BLTP3B: variants seen among roughly 807,000 people sequenced by gnomAD.
The protein encoded by BLTP3B is UHRF1 (ICBP90) binding protein 1-like.
At chr12:100,092,470 T>C in the BLTP3B span, among the ~76,000 whole-genome samples, 1 of 152,254 alleles carries the variant, frequency 6.6e-6, no homozygotes, top group Admixed American at 6.5e-5. Context: ...AAAAAGTACA[T>C]ATGCTGGGGC....
the BLTP3B span, among the ~76,000 whole-genome samples, chr12:100,100,220 G>A: frequency 4.0e-5 from 6 of 151,650 alleles, no homozygotes; most frequent in African/African-American, 1.5e-4. Context: ...TGAGAGGATC[G>A]CTTCAGTATG....
the BLTP3B span, among the ~76,000 whole-genome samples, chr12:100,068,545 G>C: frequency 2.6e-5 from 4 of 152,188 alleles, no homozygotes; most frequent in African/African-American, 7.2e-5. Flanking sequence ...AGTTAGAAGA[G>C]TAAACAGACA....
the BLTP3B span, among the ~76,000 whole-genome samples, chr12:100,131,635 A>G: frequency 6.6e-6 from 1 of 152,224 alleles, no homozygotes; most frequent in South Asian, 2.1e-4. Context: ...TAATGTCTGA[A>G]AAACCAAACA....
the BLTP3B span, among the ~76,000 whole-genome samples, chr12:100,135,281 C>CTTTTTTTTTTTTTTTTTT: frequency 1.4e-5 from 2 of 141,226 alleles, no homozygotes; most frequent in Non-Finnish European, 1.5e-5. Flanking sequence ...TTCTTTCTTT[C>CTTTTTTTTTTTTTTTTTT]TTTTTTTTTT....
the BLTP3B span, among the ~76,000 whole-genome samples, chr12:100,046,762 C>A: frequency 6.6e-6 from 1 of 151,972 alleles, no homozygotes; most frequent in Admixed American, 6.6e-5. Flanking sequence ...ATAAAGAAGA[C>A]AGTTGAGAGA....
chr12:100,102,728 G>A, the BLTP3B span: 1 of 906,108 alleles, frequency 1.1e-6, no homozygotes, highest in Non-Finnish European at 1.7e-6. Context: ...TTAATGTCCT[G>A]TTATTGGCAG....
chr12:100,092,790 C>T, the BLTP3B span: 144 of 637,740 alleles, frequency 2.3e-4, no homozygotes, highest in Middle Eastern at 8.0e-4. Flanking sequence ...CTACCAAAAT[C>T]TTCCTTGCAA....
chr12:100,047,435 TTTGCAGTAGGCTGAGA>T, the BLTP3B span: 1 of 876,364 alleles, frequency 1.1e-6, no homozygotes, highest in Non-Finnish European at 1.8e-6. Flanking sequence ...GAGGCAGAGG[TTTGCAGTAGGCTGAGA>T]TCGTGCCATT....
the BLTP3B span, among the ~76,000 whole-genome samples, chr12:100,066,314 G>A: frequency 1.3e-5 from 2 of 152,162 alleles, no homozygotes; most frequent in Non-Finnish European, 2.9e-5. Context: ...TTGTGCAACA[G>A]TAAACTATCA....
At chr12:100,119,773 C>T in the BLTP3B span, among the ~76,000 whole-genome samples, 1 of 152,032 alleles carries the variant, frequency 6.6e-6, no homozygotes, top group South Asian at 2.1e-4. Flanking sequence ...TGACCTTTAC[C>T]TCACCCCATA....
chr12:100,127,738 C>G, the BLTP3B span, among the ~76,000 whole-genome samples: 1 of 152,266 alleles, frequency 6.6e-6, no homozygotes, highest in South Asian at 2.1e-4. Flanking sequence ...CCTGGCAGAG[C>G]ATGCTGGTGC....
At chr12:100,087,395 A>G in the BLTP3B span, among the ~76,000 whole-genome samples, 1 of 152,162 alleles carries the variant, frequency 6.6e-6, no homozygotes, top group Non-Finnish European at 1.5e-5. Context: ...ATTTATCTCA[A>G]CTAGTAGAAT....
chr12:100,048,777 T>TGTGA, the BLTP3B span, among the ~76,000 whole-genome samples: 1 of 130,864 alleles, frequency 7.6e-6, no homozygotes, highest in Non-Finnish European at 1.6e-5. Flanking sequence ...AGTGAGTGTG[T>TGTGA]GTGTGTGTGT....
At chr12:100,059,681 C>T in the BLTP3B span, 2 of 1,139,960 alleles carry the variant, frequency 1.8e-6, no homozygotes, top group African/African-American at 1.6e-5. Context: ...CTAACTCTTC[C>T]CCTCAAATCT....
chr12:100,058,412 T>G, the BLTP3B span: 1 of 1,613,052 alleles, frequency 6.2e-7, no homozygotes. Flanking sequence ...TTTGCAGATT[T>G]GTATCACTAG....
At chr12:100,037,182 T>A in the BLTP3B span, 1 of 919,946 alleles carries the variant, frequency 1.1e-6, no homozygotes, top group Non-Finnish European at 1.3e-6. Context: ...AATGTAAGCC[T>A]CTTTTCATTT....
At chr12:100,054,963 T>C in the BLTP3B span, among the ~76,000 whole-genome samples, 1 of 152,170 alleles carries the variant, frequency 6.6e-6, no homozygotes. Flanking sequence ...TTAGATAAAT[T>C]AATGTGTTTT....
At chr12:100,137,270 C>T in the BLTP3B span, among the ~76,000 whole-genome samples, 4 of 152,030 alleles carry the variant, frequency 2.6e-5, no homozygotes, top group Non-Finnish European at 5.9e-5. Flanking sequence ...CGGTTCTTTC[C>T]TTTTCTCTCC....
At chr12:100,116,541 C>T in the BLTP3B span, among the ~76,000 whole-genome samples, 46 of 151,912 alleles carry the variant, frequency 3.0e-4, no homozygotes, top group African/African-American at 1.1e-3. Flanking sequence ...AAGTCAACAC[C>T]CATTCATGAA....
Sources: gnomAD v4.1 joint callset for allele counts (sites outside exome capture counted in the v4.1 genomes callset) on GRCh38, gnomAD v4.1.1 for gene constraint, MANE v1.5 for transcripts, NCBI Gene and HGNC (gene_info 2026-07-23, HGNC 2026-07-21) for gene names.